Variants in CCDC178 observed in about 807,000 individuals in gnomAD.
CCDC178 encodes coiled-coil domain containing 178.
In CCDC178, 126 loss-of-function variants were observed where a neutral mutation model predicts 117.4. The observed-to-expected ratio is 1.07, with a 90% CI of 0.93 to 1.24. The LOEUF (loss-of-function observed/expected upper bound fraction) is 1.24, where lower values mean the gene tolerates loss of function less well. Among genes scored for constraint, CCDC178 ranks in the 50% most tolerant of loss-of-function variants. CCDC178 has a pLI of 0.00. For synonymous variants in CCDC178, 283 were observed against 313.4 expected (o/e 0.90, Z 1.02); for missense variants, 1,030 against 986.9 (o/e 1.04, Z -0.59).
At chr18:33,146,518 G>C (rs1309676506) in intron 20 of CCDC178, among the ~76,000 whole-genome samples, 1 of 152,128 alleles carries the variant, frequency 6.6e-6, no homozygotes, top group Non-Finnish European at 1.5e-5. Context: ...AATTTAGCAG[G>C]ATATGGTGGC....
Position 33,267,248 on chromosome 18 carries a change from CTTTT to C in CCDC178, c.1222_1225del (p.Lys408ValfsTer41). ...TGCTTCCAGATACTGATTTTCATGACTTTTTTGCTTCCAGGTTAGTTGGTCATAA... is the reference window on the plus strand; with the variant it reads ...TGCTTCCAGATACTGATTTTCATGACTTGCTTCCAGGTTAGTTGGTCATAA... On this transcript the variant is annotated frameshift_variant, in exon 13 of 23. Transcript: ENST00000383096. LOFTEE classifies it high-confidence loss of function. 4 of 1,605,078 alleles carry C rather than the reference CTTTT, an allele frequency of 2.5e-6. No homozygotes were observed. Among genetic ancestry groups the C allele is most frequent in the Non-Finnish European group, 3.4e-6 (4 of 1,177,168 alleles).
intron 22 of CCDC178, among the ~76,000 whole-genome samples, chr18:32,945,636 C>A (rs1235460885): frequency 1.3e-5 from 2 of 152,178 alleles, no homozygotes; most frequent in East Asian, 1.9e-4. Flanking sequence ...CATATTGAAG[C>A]ACTTAAGAGG....
chr18:32,938,051 A>G lies in CCDC178; in HGVS notation c.2564T>C (p.Phe855Ser). ...SNLMQHILGF[F>S]QTLTDGTCEN... ...GCATGTGCCATCTGTCAAAGTCTGG[A>G]AGAAACCTAAGATGTGTTGCATTAA... The change falls in exon 23 of 23, where the codon TTC (phenylalanine) becomes TCC (serine). Residue 855 changes from phenylalanine (F) to serine (S), a missense_variant. Phe to Ser is a radical substitution (Grantham distance 155, BLOSUM62 -2). Transcript: ENST00000383096. 1 of 1,613,924 alleles carries G rather than the reference A, an allele frequency of 6.2e-7. No individual in the cohort carries two copies. The highest frequency in any genetic ancestry group is 8.5e-7 in the Non-Finnish European group (1 of 1,179,810).
At chr18:33,241,408 C>T (rs950951581) in intron 15 of CCDC178, among the ~76,000 whole-genome samples, 5 of 145,722 alleles carry the variant, frequency 3.4e-5, no homozygotes, top group Non-Finnish European at 7.5e-5. Flanking sequence ...TCAAATTGAC[C>T]CTCTTTGCAG....
intron 20 of CCDC178, among the ~76,000 whole-genome samples, chr18:33,197,191 C>T (rs1403498490): frequency 6.6e-6 from 1 of 152,018 alleles, no homozygotes; most frequent in African/African-American, 2.4e-5. Context: ...CTATTCTTGG[C>T]TAATTTTTAA....
intron 21 of CCDC178, among the ~76,000 whole-genome samples, chr18:33,030,062 T>C (rs2056305818): frequency 6.6e-6 from 1 of 152,066 alleles, no homozygotes; most frequent in Admixed American, 6.6e-5. Flanking sequence ...TTGTTGCAAG[T>C]AGAGCACTGA....
chr18:32,984,253 C>T (rs757110480), intron 21 of CCDC178, among the ~76,000 whole-genome samples: 122 of 151,542 alleles, frequency 8.1e-4, no homozygotes, highest in Non-Finnish European at 1.6e-4. Flanking sequence ...TGGATCTCTG[C>T]TAATATATAA....
At chr18:33,049,518 T>C (rs2056706333) in intron 21 of CCDC178, among the ~76,000 whole-genome samples, 1 of 152,134 alleles carries the variant, frequency 6.6e-6, no homozygotes, top group African/African-American at 2.4e-5. Context: ...ATAATTTCCA[T>C]GACATTTGTT....
At chr18:33,274,116 A>G (rs2059918449) in intron 12 of CCDC178, among the ~76,000 whole-genome samples, 1 of 151,904 alleles carries the variant, frequency 6.6e-6, no homozygotes, top group Non-Finnish European at 1.5e-5. Flanking sequence ...AGATATACAA[A>G]TGACAAACAC....
intron 21 of CCDC178, among the ~76,000 whole-genome samples, chr18:32,999,613 T>A (rs866252027): frequency 1.3e-5 from 2 of 152,102 alleles, no homozygotes; most frequent in African/African-American, 4.8e-5. Flanking sequence ...TTGTCATCCA[T>A]CCTCCAGCTC....
chr18:33,135,653 G>A (rs1288293634), intron 20 of CCDC178, among the ~76,000 whole-genome samples: 2 of 152,056 alleles, frequency 1.3e-5, no homozygotes, highest in Non-Finnish European at 2.9e-5. Context: ...TTTGCATGTA[G>A]CTATCTTTGA....
intron 14 of CCDC178, among the ~76,000 whole-genome samples, chr18:33,253,326 ATTTAT>A (rs1029838880): frequency 1.9e-4 from 29 of 151,830 alleles, no homozygotes; most frequent in African/African-American, 7.0e-4. Flanking sequence ...TAATTACGTA[ATTTAT>A]TTAAACAGTG....
chr18:33,440,387 G>A lies in CCDC178; in HGVS notation c.-143+266C>T, dbSNP rs1429502972. 6 of 148,642 alleles carry A rather than the reference G, an allele frequency of 4.0e-5. No individual in the cohort carries two copies. The East Asian group carries it at 1.1e-3, about 26-fold the overall frequency. The allele number at this position is 148,642 out of a possible 1,614,324, so 9.2% of individuals were successfully genotyped here. A position where few individuals can be genotyped will look rare whatever the true frequency, so the allele number is the denominator to read the frequency against. ...GGGAAACTGGAGGACGGAGAACAGGGGGACAAAACGACTGGGGGACTGGGG... is the reference window on the plus strand; with the variant it reads ...GGGAAACTGGAGGACGGAGAACAGGAGGACAAAACGACTGGGGGACTGGGG... On this transcript the variant is annotated intron_variant, in intron 1 of 22. Coordinates refer to ENST00000383096, the MANE Select transcript of CCDC178 (RefSeq NM_001105528.4).
chr18:33,397,794 C>T (rs1412720667), intron 3 of CCDC178, among the ~76,000 whole-genome samples: 1 of 152,016 alleles, frequency 6.6e-6, no homozygotes, highest in Admixed American at 6.5e-5. Context: ...GCATTGCCAA[C>T]ACCAATGACC....
intron 5 of CCDC178, among the ~76,000 whole-genome samples, chr18:33,371,902 G>A (rs905854365): frequency 6.6e-6 from 1 of 151,822 alleles, no homozygotes; most frequent in African/African-American, 2.4e-5. Context: ...ATAAGGGCAT[G>A]TTGGCCCTCC....
chr18:33,346,844 A>G (rs926170759), intron 8 of CCDC178, among the ~76,000 whole-genome samples: 1 of 152,184 alleles, frequency 6.6e-6, no homozygotes, highest in African/African-American at 2.4e-5. Flanking sequence ...ATATTCTTCA[A>G]TCTCATCCAA....
chr18:33,405,142 A>C (rs1411323983), intron 3 of CCDC178, among the ~76,000 whole-genome samples: 3 of 152,044 alleles, frequency 2.0e-5, no homozygotes, highest in Non-Finnish European at 4.4e-5. Flanking sequence ...TAAACACAGT[A>C]TCACTTAGCA....
chr18:33,008,141 A>G (rs1357154231), intron 21 of CCDC178, among the ~76,000 whole-genome samples: 1 of 151,772 alleles, frequency 6.6e-6, no homozygotes, highest in Non-Finnish European at 1.5e-5. Flanking sequence ...TTGAGGTCCA[A>G]TGACACTAAA....
chr18:33,431,050 GGGCAACCGTGCGAGAC>G (rs1400614679), intron 2 of CCDC178, among the ~76,000 whole-genome samples: 1 of 149,536 alleles, frequency 6.7e-6, no homozygotes, highest in Non-Finnish European at 1.5e-5. Context: ...ACTCCAGCCT[GGGCAACCGTGCGAGAC>G]TACGTCTCAA....
Sources: gnomAD v4.1 joint callset for allele counts (sites outside exome capture counted in the v4.1 genomes callset) on GRCh38, gnomAD v4.1.1 for gene constraint, MANE v1.5 for transcripts, NCBI Gene and HGNC (gene_info 2026-07-23, HGNC 2026-07-21) for gene names.